Variants in PSMA8 observed in about 807,000 individuals in gnomAD.
PSMA8 encodes proteasome subunit alpha-type 8.
In PSMA8, 18 loss-of-function variants were observed where a neutral mutation model predicts 32.4. The ratio of observed to expected loss-of-function variants is 0.56; its 90% CI spans 0.38 to 0.82. The LOEUF (loss-of-function observed/expected upper bound fraction) is 0.82, where lower values mean the gene tolerates loss of function less well. Among genes scored for constraint, PSMA8 ranks in the 40% least tolerant of loss-of-function variants. The probability of loss-of-function intolerance (pLI) is 0.00; values close to 1 mark genes in which losing one functional copy is unlikely to be tolerated. For synonymous variants in PSMA8, 104 were observed against 98.1 expected, an observed-to-expected ratio of 1.06 and a Z score of -0.36; for missense variants, 298 against 300.7, an observed-to-expected ratio of 0.99 and a Z score of 0.07.
At position 26,144,573 on chromosome 18, in the gene PSMA8, T is replaced by C. The variant is rs2144278694; in HGVS notation, c.117T>C (p.Gly39=). 2 of 1,613,088 alleles carry C rather than the reference T, an allele frequency of 1.2e-6. No individual in the cohort carries two copies. Among genetic ancestry groups the C allele is most frequent in the Non-Finnish European group, 1.7e-6 (2 of 1,179,170 alleles). ...KKGSTAVGIR[G]TNIVVLGVEK... is the part of the protein sequence containing the mutation. ...TGACTTGACAGGTCGGAATTCGAGG[T>C]ACCAATATAGTTGTTCTTGGGGTAG... Residue 39 remains glycine, a synonymous_variant, in exon 2 of 7, where the codon GGT becomes GGC. Coordinates refer to ENST00000415576, the MANE Select transcript of PSMA8 (RefSeq NM_001025096.2).
chr18:26,181,781 A>C (rs996264187), intron 6 of PSMA8, among the ~76,000 whole-genome samples: 1 of 152,164 alleles, frequency 6.6e-6, no homozygotes, highest in Non-Finnish European at 1.5e-5. Flanking sequence ...AAATTTAGCC[A>C]CGTGTGGTGG....
chr18:26,186,243 T>G, intron 6 of PSMA8, among the ~76,000 whole-genome samples: 1 of 109,626 alleles, frequency 9.1e-6, no homozygotes, highest in Non-Finnish European at 1.7e-5. Flanking sequence ...AGGGAGACTC[T>G]GTCTCAAAAA....
intron 1 of PSMA8, among the ~76,000 whole-genome samples, chr18:26,136,260 C>T (rs1368077648): frequency 6.6e-6 from 1 of 152,156 alleles, no homozygotes; most frequent in Admixed American, 6.5e-5. Flanking sequence ...AGAAGTAATA[C>T]CTTTCTTCTT....
intron 4 of PSMA8, among the ~76,000 whole-genome samples, chr18:26,178,473 C>T (rs896831149): frequency 6.6e-6 from 1 of 152,058 alleles, no homozygotes; most frequent in African/African-American, 2.4e-5. Flanking sequence ...GTGATGCATA[C>T]CTGTAGTCCC....
intron 4 of PSMA8, among the ~76,000 whole-genome samples, chr18:26,163,226 TA>T (rs1212872138): frequency 5.6e-5 from 2 of 35,762 alleles, no homozygotes; most frequent in African/African-American, 1.7e-4. Flanking sequence ...TATATATATA[TA>T]TATATATATA....
At chr18:26,156,227 G>A (rs2055087706) in intron 3 of PSMA8, among the ~76,000 whole-genome samples, 1 of 152,134 alleles carries the variant, frequency 6.6e-6, no homozygotes, top group Admixed American at 6.5e-5. Flanking sequence ...CAGACATTAT[G>A]GAAAATAGTA....
rs1250820721 is a variant in PSMA8, at chr18:26,178,931, A to C, written c.579A>C (p.Ala193=). 5 of 1,613,130 alleles carry C rather than the reference A, an allele frequency of 3.1e-6. No homozygotes were observed. The East Asian group carries it at 8.9e-5, about 29-fold the overall frequency. ...IASDSEAIKL[A]IKALLEVVQS... ...GTGACAGTGAAGCTATCAAGTTAGC[A>C]ATAAAAGCTTTGCTAGAAGTAAGTG... The change falls in exon 5 of 7, where the codon GCA becomes GCC. Residue 193 remains alanine, a synonymous_variant. Coordinates refer to ENST00000415576, the MANE Select transcript of PSMA8 (RefSeq NM_001025096.2).
In PSMA8 at chr18:26,176,223, T is replaced by A. The variant is rs1356383402; in HGVS notation, c.478-2607T>A. Among the ~76,000 whole-genome samples the A allele has an allele frequency of 2.0e-5, 3 of 152,254 alleles. No individual in the cohort carries two copies. The East Asian group carries it at 5.8e-4, about 29-fold the overall frequency. On this transcript the variant is annotated intron_variant, in intron 4 of 6. Coordinates refer to ENST00000415576, the MANE Select transcript of PSMA8 (RefSeq NM_001025096.2). ...AGTTAAAGATTTTGACATTAAGAAT[T>A]GGAAGAAGTGGATAGGAAAGTCACC...
At chr18:26,142,985 T>C (rs1006385564) in intron 1 of PSMA8, among the ~76,000 whole-genome samples, 2 of 152,238 alleles carry the variant, frequency 1.3e-5, no homozygotes, top group African/African-American at 2.4e-5. Context: ...GGAAAACTTT[T>C]ACAGAATTTT....
At chr18:26,188,689 C>CAT (rs1370617112) in intron 6 of PSMA8, among the ~76,000 whole-genome samples, 1 of 152,050 alleles carries the variant, frequency 6.6e-6, no homozygotes, top group African/African-American at 2.4e-5. Context: ...AACAAATCCA[C>CAT]ATATATATAG....
At chr18:26,181,000 ATGAAATGGTG>A (rs1286820678) in intron 6 of PSMA8, among the ~76,000 whole-genome samples, 2 of 152,180 alleles carry the variant, frequency 1.3e-5, no homozygotes, top group Admixed American at 1.3e-4. Context: ...TGATAAGTAA[ATGAAATGGTG>A]TGAGATGGTA....
At chr18:26,183,844 T>A (rs138084984) in intron 6 of PSMA8, among the ~76,000 whole-genome samples, 2 of 150,706 alleles carry the variant, frequency 1.3e-5, no homozygotes, top group African/African-American at 4.9e-5. Flanking sequence ...TCTATCAATG[T>A]GGCAAACCTC....
At chr18:26,156,882 G>A (rs1443814129) in intron 3 of PSMA8, among the ~76,000 whole-genome samples, 1 of 150,944 alleles carries the variant, frequency 6.6e-6, no homozygotes, top group Non-Finnish European at 1.5e-5. Flanking sequence ...AACCTCCCAG[G>A]CTCAAGTGAT....
chr18:26,177,207 A>G (rs2055270947), intron 4 of PSMA8, among the ~76,000 whole-genome samples: 1 of 152,154 alleles, frequency 6.6e-6, no homozygotes, highest in Non-Finnish European at 1.5e-5. Context: ...TGTCCCACCT[A>G]AAAGACATTT....
chr18:26,190,541 G>A (rs1362820635), intron 6 of PSMA8, among the ~76,000 whole-genome samples: 4 of 152,190 alleles, frequency 2.6e-5, no homozygotes, highest in Admixed American at 6.5e-5. Context: ...TTGAGCCCAG[G>A]AGTTTGAGAC....
At chr18:26,157,054 G>A (rs2055095777) in intron 3 of PSMA8, among the ~76,000 whole-genome samples, 1 of 150,414 alleles carries the variant, frequency 6.6e-6, no homozygotes, top group Admixed American at 6.6e-5. Context: ...CAAAGTGGTG[G>A]GATTACAGGC....
chr18:26,153,468 G>A (rs1407894979), intron 3 of PSMA8, among the ~76,000 whole-genome samples: 3 of 152,150 alleles, frequency 2.0e-5, no homozygotes, highest in East Asian at 1.9e-4. Flanking sequence ...ATGTATAAAT[G>A]TATCCTTGAA....
chr18:26,188,825 T>C (rs915041114), intron 6 of PSMA8, among the ~76,000 whole-genome samples: 10 of 152,080 alleles, frequency 6.6e-5, no homozygotes, highest in Non-Finnish European at 7.4e-5. Flanking sequence ...TCTCACCATA[T>C]ATAAAAAATC....
At chr18:26,163,932 T>C (rs1465701018) in intron 4 of PSMA8, among the ~76,000 whole-genome samples, 1 of 152,018 alleles carries the variant, frequency 6.6e-6, no homozygotes, top group Non-Finnish European at 1.5e-5. Flanking sequence ...CAGGGAAAGG[T>C]TGGGAAGGAC....
Sources: gnomAD v4.1 joint callset for allele counts (sites outside exome capture counted in the v4.1 genomes callset) on GRCh38, gnomAD v4.1.1 for gene constraint, MANE v1.5 for transcripts, NCBI Gene and HGNC (gene_info 2026-07-23, HGNC 2026-07-21) for gene names.